Variants in ADGRB3 observed in about 807,000 individuals in gnomAD.
The protein encoded by ADGRB3 is brain-specific angiogenesis inhibitor 3.
Under a neutral mutation model 193.4 loss-of-function variants are expected in ADGRB3, and 37 were observed. The observed-to-expected ratio is 0.19, with a 90% CI of 0.15 to 0.25. ADGRB3 has a LOEUF of 0.25. Ranked by LOEUF, ADGRB3 falls within the 10% of genes least tolerant of loss-of-function variation. The probability of loss-of-function intolerance (pLI) is 1.00; values close to 1 mark genes in which losing one functional copy is unlikely to be tolerated. For synonymous variants in ADGRB3, 690 were observed against 644.2 expected, an observed-to-expected ratio of 1.07 and a Z score of -1.08; for missense variants, 1,637 against 1,852.9, an observed-to-expected ratio of 0.88 and a Z score of 2.14.
intron 3 of ADGRB3, among the ~76,000 whole-genome samples, chr6:68,846,196 A>G (rs9454632): frequency 9.2e-5 from 14 of 152,198 alleles, no homozygotes; most frequent in African/African-American, 3.4e-4. Context: ...AGGAATTTCT[A>G]AGCAGCAAAG....
chr6:68,760,200 T>C (rs1251712702), intron 3 of ADGRB3, among the ~76,000 whole-genome samples: 1 of 152,130 alleles, frequency 6.6e-6, no homozygotes, highest in East Asian at 1.9e-4. Context: ...CCTTATGCAA[T>C]CAAAGATGGA....
At chr6:69,021,238 C>G (rs1398367563) in intron 13 of ADGRB3, among the ~76,000 whole-genome samples, 1 of 151,812 alleles carries the variant, frequency 6.6e-6, no homozygotes, top group Non-Finnish European at 1.5e-5. Context: ...TAAAGAACTT[C>G]AAAAATCATA....
intron 3 of ADGRB3, among the ~76,000 whole-genome samples, chr6:68,755,285 T>C (rs1766277252): frequency 6.6e-6 from 1 of 152,124 alleles, no homozygotes; most frequent in African/African-American, 2.4e-5. Flanking sequence ...TATGCTGACA[T>C]CAATGAGGAT....
chr6:69,235,293 G>T (rs769396352), intron 19 of ADGRB3, among the ~76,000 whole-genome samples, 158 bp downstream of exon 19: 1 of 152,046 alleles, frequency 6.6e-6, no homozygotes, highest in Non-Finnish European at 1.5e-5. Flanking sequence ...TTTAATAAAT[G>T]AATTATGTTT....
intron 25 of ADGRB3, 65 bp downstream of exon 25, chr6:69,339,079 T>C: frequency 1.3e-6 from 2 of 1,546,156 alleles, no homozygotes; most frequent in Non-Finnish European, 8.9e-7. Context: ...GAAAATGCTA[T>C]GATGAAAAAA....
At chr6:68,691,522 T>C (rs1468546833) in intron 3 of ADGRB3, among the ~76,000 whole-genome samples, 1 of 152,034 alleles carries the variant, frequency 6.6e-6, no homozygotes, top group Non-Finnish European at 1.5e-5. Flanking sequence ...TGATTGAAAA[T>C]AGTGTATTTA....
intron 15 of ADGRB3, among the ~76,000 whole-genome samples, chr6:69,053,430 A>C (rs961723134): frequency 2.0e-5 from 3 of 152,226 alleles, no homozygotes; most frequent in African/African-American, 7.2e-5. Flanking sequence ...AAGCAATACA[A>C]ACCATAGACT....
chr6:68,763,514 A>G (rs1766452157), intron 3 of ADGRB3, among the ~76,000 whole-genome samples: 1 of 152,212 alleles, frequency 6.6e-6, no homozygotes, highest in Non-Finnish European at 1.5e-5. Flanking sequence ...AAATAAGTTA[A>G]CATGAAATTT....
intron 20 of ADGRB3, among the ~76,000 whole-genome samples, chr6:69,266,650 A>G (rs1420986373): frequency 6.6e-6 from 1 of 152,068 alleles, no homozygotes; most frequent in Non-Finnish European, 1.5e-5. Context: ...GTATGTGTGC[A>G]TACACAGATA....
At chr6:69,348,493 C>CAA (rs5877205) in intron 26 of ADGRB3, among the ~76,000 whole-genome samples, 23,446 of 114,654 alleles carry the variant, frequency 0.2, 2,391 homozygotes, top group Middle Eastern at 0.28. Context: ...CTAAAAAATG[C>CAA]AAAAAAAAAA....
chr6:69,333,091 A>T, intron 24 of ADGRB3, 83 bp downstream of exon 24: 2 of 1,442,926 alleles, frequency 1.4e-6, no homozygotes, highest in South Asian at 2.5e-5. Flanking sequence ...ACTGCGTTTG[A>T]CTCTGCCTTG....
At chr6:69,146,860 G>C (rs918888891) in intron 17 of ADGRB3, among the ~76,000 whole-genome samples, 1 of 107,754 alleles carries the variant, frequency 9.3e-6, no homozygotes, top group African/African-American at 3.4e-5. Context: ...TCAGGTTTTG[G>C]ACCTCTTCAT....
At chr6:68,869,191 T>C (rs2150218801) in intron 3 of ADGRB3, among the ~76,000 whole-genome samples, 1 of 152,178 alleles carries the variant, frequency 6.6e-6, no homozygotes, top group Admixed American at 6.5e-5. Context: ...ATTCCATGCA[T>C]CTATCACTTT....
At chr6:69,008,441 C>T (rs998077214) in intron 11 of ADGRB3, among the ~76,000 whole-genome samples, 23 of 152,112 alleles carry the variant, frequency 1.5e-4, no homozygotes, top group Non-Finnish European at 2.1e-4. Flanking sequence ...CCTTAATAAT[C>T]ACTATTTTGG....
At chr6:69,188,142 G>C (rs908468382) in intron 17 of ADGRB3, among the ~76,000 whole-genome samples, 1 of 152,004 alleles carries the variant, frequency 6.6e-6, no homozygotes, top group Non-Finnish European at 1.5e-5. Context: ...AGAATGGAAT[G>C]AGGCCCAGAT....
chr6:68,914,908 G>C (rs1214797975), intron 3 of ADGRB3, among the ~76,000 whole-genome samples: 1 of 152,158 alleles, frequency 6.6e-6, no homozygotes, highest in African/African-American at 2.4e-5. Context: ...GCTTCCCATA[G>C]AGTATCAAAT....
intron 20 of ADGRB3, among the ~76,000 whole-genome samples, chr6:69,278,579 A>G (rs893072942): frequency 3.9e-5 from 6 of 152,188 alleles, no homozygotes; most frequent in East Asian, 1.9e-4. Flanking sequence ...AACAAATTCT[A>G]TATTAACCCT....
At chr6:69,339,167 G>A (rs183926670) in intron 25 of ADGRB3, among the ~76,000 whole-genome samples, 153 bp downstream of exon 25, 16 of 152,014 alleles carry the variant, frequency 1.1e-4, no homozygotes, top group Non-Finnish European at 1.5e-4. Context: ...GCTATTGTGG[G>A]ATAGTATATA....
At chr6:68,729,100 T>C (rs1765725557) in intron 3 of ADGRB3, among the ~76,000 whole-genome samples, 1 of 151,648 alleles carries the variant, frequency 6.6e-6, no homozygotes. Context: ...ATTTTTGTAT[T>C]CTTATCAGGT....
Sources: gnomAD v4.1 joint callset for allele counts (sites outside exome capture counted in the v4.1 genomes callset) on GRCh38, gnomAD v4.1.1 for gene constraint, MANE v1.5 for transcripts, NCBI Gene and HGNC (gene_info 2026-07-23, HGNC 2026-07-21) for gene names.